NRG1: variants seen among roughly 807,000 people sequenced by gnomAD.
NRG1 encodes neuregulin 1.
In NRG1, 18 loss-of-function variants were observed where a neutral mutation model predicts 63.8. The observed-to-expected ratio is 0.28, with a 90% CI of 0.19 to 0.42. The LOEUF is 0.42. Among genes scored for constraint, NRG1 ranks in the 10% least tolerant of loss-of-function variants. The pLI is 1.00. For synonymous variants in NRG1, 302 were observed against 301.3 expected, an observed-to-expected ratio of 1.00 and a Z score of -0.02; for missense variants, 762 against 814.7, an observed-to-expected ratio of 0.94 and a Z score of 0.79.
At chr8:31,971,742 T>C (rs1807319746) in intron 1 of NRG1, among the ~76,000 whole-genome samples, 1 of 152,128 alleles carries the variant, frequency 6.6e-6, no homozygotes, top group Admixed American at 6.5e-5. Flanking sequence ...TTGAAGACAA[T>C]TTTAGTTACC....
intron 1 of NRG1, among the ~76,000 whole-genome samples, chr8:32,191,205 C>T (rs998843610): frequency 6.6e-6 from 1 of 152,058 alleles, no homozygotes; most frequent in African/African-American, 2.4e-5. Flanking sequence ...CTGCCTCAGC[C>T]TCCTGAGTAG....
At chr8:31,762,103 A>T (rs989598192) in intron 1 of NRG1, among the ~76,000 whole-genome samples, 1 of 152,136 alleles carries the variant, frequency 6.6e-6, no homozygotes, top group Non-Finnish European at 1.5e-5. Flanking sequence ...AATTTCTTCT[A>T]AAAAAACAGG....
At chr8:32,346,078 T>C (rs903240928) in intron 1 of NRG1, among the ~76,000 whole-genome samples, 2 of 147,698 alleles carry the variant, frequency 1.4e-5, no homozygotes, top group Non-Finnish European at 3.0e-5. Context: ...ATATAATATA[T>C]ACTATAATTT....
At chr8:32,035,764 C>T (rs1185798292) in intron 1 of NRG1, among the ~76,000 whole-genome samples, 2 of 152,112 alleles carry the variant, frequency 1.3e-5, no homozygotes, top group Admixed American at 6.6e-5. Flanking sequence ...TCAACCCCTG[C>T]TTTTTTCTGT....
intron 1 of NRG1, among the ~76,000 whole-genome samples, chr8:32,064,702 A>G (rs1413601276): frequency 6.6e-6 from 1 of 152,098 alleles, no homozygotes; most frequent in African/African-American, 2.4e-5. Context: ...AGCCTTACCA[A>G]TTTGGGGGAA....
chr8:32,021,124 T>C (rs1213134808), intron 1 of NRG1, among the ~76,000 whole-genome samples: 1 of 152,216 alleles, frequency 6.6e-6, no homozygotes, highest in Non-Finnish European at 1.5e-5. Flanking sequence ...TAGTTAACAT[T>C]CCAAGTATAT....
intron 1 of NRG1, among the ~76,000 whole-genome samples, chr8:32,395,121 T>C (rs575975885): frequency 2.0e-4 from 30 of 152,160 alleles, no homozygotes; most frequent in Non-Finnish European, 3.4e-4. Flanking sequence ...CTTTTTCACG[T>C]CCCCTTCCTG....
At chr8:32,235,701 G>GT (rs77298364) in intron 1 of NRG1, among the ~76,000 whole-genome samples, 17,947 of 152,086 alleles carry the variant, frequency 0.12, 1,166 homozygotes, top group East Asian at 0.28. Flanking sequence ...AACTGGAATA[G>GT]TTGGTCACTC....
intron 5 of NRG1, among the ~76,000 whole-genome samples, chr8:32,637,937 A>G (rs1201694400): frequency 6.6e-6 from 1 of 152,206 alleles, no homozygotes. Context: ...TAAACTTTCA[A>G]GTAGAAATGG....
chr8:31,991,738 G>T (rs538306196), intron 1 of NRG1, among the ~76,000 whole-genome samples: 1 of 151,644 alleles, frequency 6.6e-6, no homozygotes, highest in Non-Finnish European at 1.5e-5. Context: ...TTTAAATTAA[G>T]CTCACTCTTT....
chr8:32,638,439 C>A (rs1223836682), intron 5 of NRG1, among the ~76,000 whole-genome samples: 1 of 152,256 alleles, frequency 6.6e-6, no homozygotes, highest in East Asian at 1.9e-4. Context: ...AACCTAAATT[C>A]TTTTACTCCA....
intron 5 of NRG1, among the ~76,000 whole-genome samples, chr8:32,667,633 G>A (rs1280027342): frequency 6.6e-6 from 1 of 152,120 alleles, no homozygotes; most frequent in African/African-American, 2.4e-5. Flanking sequence ...TGAAGATGCA[G>A]TAAGTGCTTG....
chr8:32,009,543 A>C (rs556362939), intron 1 of NRG1, among the ~76,000 whole-genome samples: 1 of 152,130 alleles, frequency 6.6e-6, no homozygotes, highest in African/African-American at 2.4e-5. Flanking sequence ...CAAATGAAAA[A>C]AATAAAGCAG....
At chr8:32,461,191 GA>G (rs200297379) in intron 1 of NRG1, among the ~76,000 whole-genome samples, 31 of 151,198 alleles carry the variant, frequency 2.1e-4, no homozygotes, top group African/African-American at 7.3e-4. Context: ...TTCTTAAAAA[GA>G]AAAAAAATCC....
intron 1 of NRG1, among the ~76,000 whole-genome samples, chr8:31,922,445 T>C (rs190597903): frequency 6.6e-6 from 1 of 152,334 alleles, no homozygotes; most frequent in Admixed American, 6.5e-5. Flanking sequence ...CAGTGAACTA[T>C]GTGGTTAAAT....
chr8:32,684,712 ATG>A (rs1809615725), intron 5 of NRG1, among the ~76,000 whole-genome samples: 2 of 152,116 alleles, frequency 1.3e-5, no homozygotes, highest in African/African-American at 4.8e-5. Flanking sequence ...ACTTTAGTCA[ATG>A]CTTAGCATTG....
intron 1 of NRG1, among the ~76,000 whole-genome samples, chr8:32,134,858 G>C (rs1435758699): frequency 6.6e-6 from 1 of 151,996 alleles, no homozygotes; most frequent in East Asian, 1.9e-4. Context: ...CTCCAGCCTG[G>C]GTGATAGAGT....
intron 1 of NRG1, among the ~76,000 whole-genome samples, chr8:31,918,214 C>T (rs1348396301): frequency 1.3e-5 from 2 of 152,132 alleles, no homozygotes; most frequent in Admixed American, 6.6e-5. Flanking sequence ...GCCTAATTGC[C>T]CTAGCCAGAA....
At chr8:32,110,927 T>A (rs527534549) in intron 1 of NRG1, among the ~76,000 whole-genome samples, 24 of 152,292 alleles carry the variant, frequency 1.6e-4, no homozygotes, top group African/African-American at 5.8e-4. Flanking sequence ...TCAAGGTGAT[T>A]CTTATCATTA....
Sources: gnomAD v4.1 joint callset for allele counts (sites outside exome capture counted in the v4.1 genomes callset) on GRCh38, gnomAD v4.1.1 for gene constraint, MANE v1.5 for transcripts, NCBI Gene and HGNC (gene_info 2026-07-23, HGNC 2026-07-21) for gene names.